The following CGGBP1 variants were observed in gnomAD, a reference collection of about 807,000 sequenced individuals.
CGGBP1 encodes the protein CGG triplet repeat binding protein 1, also known as CGG triplet repeat-binding protein 1.
A neutral mutation model predicts 11.4 loss-of-function variants in CGGBP1; 4 were observed. That is an observed-to-expected ratio of 0.35 (90% CI 0.17 to 0.80). The LOEUF is 0.80. Among genes scored for constraint, CGGBP1 ranks in the 30% least tolerant of loss-of-function variants. The pLI is 0.52. For synonymous variants in CGGBP1, 76 were observed against 74.1 expected, an observed-to-expected ratio of 1.03 and a Z score of -0.13; for missense variants, 135 against 202.1, an observed-to-expected ratio of 0.67 and a Z score of 2.01.
Position 88,096,160 on chromosome 3 carries a change from ATAAT to A in CGGBP1, c.-228-37941_-228-37938del, listed in dbSNP as rs143645248. On this transcript the variant is annotated intron_variant, in intron 2 of 3. Coordinates refer to the CGGBP1 transcript ENST00000462901. ...ATTAGGTAAATGTCAACCATCCTAGATAATTAAGTAGAAGGAACTTATTCATAGA... is the reference window on the plus strand; with the variant it reads ...ATTAGGTAAATGTCAACCATCCTAGATAAGTAGAAGGAACTTATTCATAGA... Among the ~76,000 whole-genome samples, 239 of 152,150 alleles carry A rather than the reference ATAAT, an allele frequency of 1.6e-3. 1 individual carries two copies. Among genetic ancestry groups the A allele is most frequent in the Middle Eastern group, 6.8e-3 (2 of 294 alleles).
At chr3:88,079,281 G>A (rs1308437348) in intron 2 of CGGBP1, among the ~76,000 whole-genome samples, 1 of 151,952 alleles carries the variant, frequency 6.6e-6, no homozygotes, top group Non-Finnish European at 1.5e-5. Context: ...CCACATTTTG[G>A]AGCACAAACA....
In CGGBP1 at chr3:88,058,608, A is replaced by T. The variant is rs1178580157; in HGVS notation, c.-331+207T>A. 2.0e-5 allele frequency among the ~76,000 whole-genome samples: 3 copies of T among 152,208 alleles called. No homozygotes were observed. The East Asian group carries it at 5.8e-4, about 29-fold the overall frequency. ...CCAGCTGTGGGCCCGGGAACTCGACAGCCGACTTGGCGGCAGTCTCAAGGG... is the reference window on the plus strand; with the variant it reads ...CCAGCTGTGGGCCCGGGAACTCGACTGCCGACTTGGCGGCAGTCTCAAGGG... On this transcript the variant is annotated intron_variant, in intron 1 of 3. Transcript: ENST00000482016.
intron 2 of CGGBP1, among the ~76,000 whole-genome samples, chr3:88,091,708 G>T (rs1007400759): frequency 6.6e-6 from 1 of 152,112 alleles, no homozygotes; most frequent in African/African-American, 2.4e-5. Context: ...TTCCTGTGCT[G>T]TTCTCATGAT....
At chr3:88,123,748 C>T (rs956979809) in intron 2 of CGGBP1, among the ~76,000 whole-genome samples, 1 of 152,174 alleles carries the variant, frequency 6.6e-6, no homozygotes, top group Non-Finnish European at 1.5e-5. Flanking sequence ...TGGATTGTCC[C>T]AGGACTGAGC....
Position 88,052,132 on chromosome 3 carries a change from A to AAT in CGGBP1, c.*3339_*3340dup, listed in dbSNP as rs1426761483. ...AAATAAGCACAGAATACAAAAATGAAATAGTAAAATTTTAATACAGTATTC... is the reference window on the plus strand; with the variant it reads ...AAATAAGCACAGAATACAAAAATGAAATATAGTAAAATTTTAATACAGTATTC... On this transcript the variant is annotated 3_prime_UTR_variant, in exon 4 of 4. Coordinates refer to ENST00000482016, the MANE Select transcript of CGGBP1 (RefSeq NM_001008390.2). 6.6e-6 allele frequency: 1 copy of AAT among 152,670 alleles called. No individual in the cohort carries two copies. The highest frequency in any genetic ancestry group is 2.4e-5 in the African/African-American group (1 of 41,464). The allele number at this position is 152,670 out of a possible 1,614,324, so 9.5% of individuals were successfully genotyped here. A position where few individuals can be genotyped will look rare whatever the true frequency, so the allele number is the denominator to read the frequency against.
In CGGBP1 at chr3:88,058,159, G is replaced by A. The variant is rs1373439133; in HGVS notation, c.-266C>T. 1 of 152,188 alleles carries A rather than the reference G, an allele frequency of 6.6e-6. No homozygotes were observed. Among genetic ancestry groups the A allele is most frequent in the African/African-American group, 2.4e-5 (1 of 41,440 alleles). 9.4% of individuals were successfully genotyped at this position (152,188 alleles called of 1,614,324 possible). A position where few individuals can be genotyped will look rare whatever the true frequency, so the allele number is the denominator to read the frequency against. ...TCAAATCAGTTTTTCAACAAGTGGTGGTGGGGAAATAGTTTCTGGGCTTGC... is the reference window on the plus strand; with the variant it reads ...TCAAATCAGTTTTTCAACAAGTGGTAGTGGGGAAATAGTTTCTGGGCTTGC... On this transcript the variant is annotated 5_prime_UTR_variant, in exon 2 of 4. Transcript: ENST00000482016.
chr3:88,134,169 G>A (rs1320187791), intron 2 of CGGBP1, among the ~76,000 whole-genome samples: 2 of 151,720 alleles, frequency 1.3e-5, no homozygotes, highest in Non-Finnish European at 2.9e-5. Context: ...AATGGAATTG[G>A]AATTTTGGTT....
At chr3:88,109,864 A>G (rs544919722) in intron 2 of CGGBP1, among the ~76,000 whole-genome samples, 1 of 152,310 alleles carries the variant, frequency 6.6e-6, no homozygotes, top group East Asian at 1.9e-4. Flanking sequence ...GTTCAACAGG[A>G]AAAACTGCTA....
rs1285265787 is a variant in CGGBP1, at chr3:88,054,055, T to C, written c.*1418A>G. On this transcript the variant is annotated 3_prime_UTR_variant, in exon 4 of 4. Transcript: ENST00000482016. ...AGCTGTTACTGAAAAATACACAATC[T>C]AACTTTTTTTCACTTTGGCTTTTTC... is the stretch of plus-strand genomic sequence containing the variant. 6.6e-6 allele frequency: 1 copy of C among 152,606 alleles called. No homozygotes were observed. The highest frequency in any genetic ancestry group is 6.5e-5 in the Admixed American group (1 of 15,278). 9.5% of individuals were successfully genotyped at this position (152,606 alleles called of 1,614,324 possible).
intron 1 of CGGBP1, among the ~76,000 whole-genome samples, chr3:88,145,204 C>T (rs1707288505): frequency 6.6e-6 from 1 of 152,074 alleles, no homozygotes; most frequent in South Asian, 2.1e-4. Flanking sequence ...ATGAAGGCTC[C>T]TACTTTTTTC....
At chr3:88,088,939 AT>A (rs1708490626) in intron 2 of CGGBP1, among the ~76,000 whole-genome samples, 1 of 151,524 alleles carries the variant, frequency 6.6e-6, no homozygotes, top group Admixed American at 6.6e-5. Context: ...TGCCTGGCTA[AT>A]TTTTGTATTT....
chr3:88,075,006 T>G (rs1707721541), intron 2 of CGGBP1, among the ~76,000 whole-genome samples: 1 of 152,186 alleles, frequency 6.6e-6, no homozygotes, highest in South Asian at 2.1e-4. Context: ...ACCCTGACCA[T>G]TTCCTCCTTC....
intron 2 of CGGBP1, chr3:88,086,519 T>C: frequency 2.1e-6 from 2 of 950,280 alleles, no homozygotes; most frequent in Non-Finnish European, 2.9e-6. Flanking sequence ...CAAAAAGAAA[T>C]GTTTATTTTT....
rs1703995674 is a variant in CGGBP1, at chr3:88,095,358, G to A, written c.-228-37135C>T. On this transcript the variant is annotated intron_variant, in intron 2 of 3. Transcript: ENST00000462901. The stretch of plus-strand genomic sequence containing the variant: ...AGGGGTGGGGAGAAAGGAAGAGACA[G>A]GAATGTGAATGTATTATGTACTAAG... 5.0e-5 allele frequency: 14 copies of A among 278,732 alleles called. 1 individual carries two copies. Among genetic ancestry groups the A allele is most frequent in the South Asian group, 4.9e-4 (14 of 28,468 alleles). 17.3% of individuals were successfully genotyped at this position (278,732 alleles called of 1,614,324 possible).
At chr3:88,122,694 TTAAG>T (rs1205051534) in intron 2 of CGGBP1, among the ~76,000 whole-genome samples, 1 of 152,068 alleles carries the variant, frequency 6.6e-6, no homozygotes, top group Non-Finnish European at 1.5e-5. Context: ...AATTTATTAT[TTAAG>T]TAAATATTCT....
At chr3:88,116,372 TAGC>T (rs1705392694) in intron 2 of CGGBP1, among the ~76,000 whole-genome samples, 1 of 151,606 alleles carries the variant, frequency 6.6e-6, no homozygotes, top group Non-Finnish European at 1.5e-5. Flanking sequence ...AATACAAAAT[TAGC>T]AGGTCGTGGC....
At chr3:88,082,032 C>G (rs564894282) in intron 2 of CGGBP1, among the ~76,000 whole-genome samples, 1 of 152,258 alleles carries the variant, frequency 6.6e-6, no homozygotes, top group East Asian at 1.9e-4. Context: ...TTGTATTAGT[C>G]TGCGTTCAAC....
chr3:88,096,173 A>G (rs1704047017), intron 2 of CGGBP1, among the ~76,000 whole-genome samples: 1 of 152,052 alleles, frequency 6.6e-6, no homozygotes. Flanking sequence ...ATTAAGTAGA[A>G]GGAACTTATT....
intron 2 of CGGBP1, chr3:88,095,563 AT>A: frequency 3.9e-6 from 2 of 519,368 alleles, no homozygotes. Flanking sequence ...TTTCCATTTC[AT>A]TAAAAACATA....
Sources: gnomAD v4.1 joint callset for allele counts (sites outside exome capture counted in the v4.1 genomes callset) on GRCh38, gnomAD v4.1.1 for gene constraint, MANE v1.5 for transcripts, NCBI Gene and HGNC (gene_info 2026-07-23, HGNC 2026-07-21) for gene names.